The following ELMO1 variants were observed in gnomAD, a reference collection of about 807,000 sequenced individuals.
ELMO1 encodes the protein engulfment and cell motility 1.
In ELMO1, 26 loss-of-function variants were observed where a neutral mutation model predicts 98.9. The ratio of observed to expected loss-of-function variants is 0.26; its 90% CI spans 0.19 to 0.36. The LOEUF is 0.36. Ranked by LOEUF, ELMO1 falls within the 10% of genes least tolerant of loss-of-function variation. The pLI, the probability that ELMO1 is intolerant of heterozygous loss-of-function variation, is 1.00. For synonymous variants in ELMO1, 346 were observed against 346.0 expected (o/e 1.00, Z 0.00); for missense variants, 627 against 935.2 (o/e 0.67, Z 4.30).
intron 1 of ELMO1, among the ~76,000 whole-genome samples, chr7:37,388,398 A>G (rs1802907443): frequency 7.6e-6 from 1 of 131,638 alleles, no homozygotes; most frequent in African/African-American, 2.9e-5. Flanking sequence ...CATTTATTAC[A>G]CAATTTATGT....
chr7:37,301,333 G>GAA (rs3054217), intron 4 of ELMO1, among the ~76,000 whole-genome samples: 12 of 150,670 alleles, frequency 8.0e-5, no homozygotes, highest in Middle Eastern at 3.4e-3. Context: ...GAATATATCA[G>GAA]AAAAAAAAAA....
rs141481192 is a variant in ELMO1, at chr7:37,102,712, C to T, written c.1192-5985G>A. ...CAAAATACTAAGCCATCTCACTGTA[C>T]AGATGAAGAAACAGAGACAAAGAGA... On this transcript the variant is annotated intron_variant, in intron 14 of 21. Coordinates refer to ENST00000310758, the MANE Select transcript of ELMO1 (RefSeq NM_014800.11). Among the ~76,000 whole-genome samples, 9 of 152,302 alleles carry T rather than the reference C, an allele frequency of 5.9e-5. No individual in the cohort carries two copies. The East Asian group carries it at 1.7e-3, about 29-fold the overall frequency.
intron 13 of ELMO1, among the ~76,000 whole-genome samples, chr7:37,154,824 T>A (rs1383230997): frequency 6.6e-6 from 1 of 152,058 alleles, no homozygotes; most frequent in East Asian, 1.9e-4. Flanking sequence ...ACCACAAAGA[T>A]ACTCCTTGAG....
chr7:37,296,176 G>A (rs1798018062), intron 4 of ELMO1, among the ~76,000 whole-genome samples: 1 of 152,176 alleles, frequency 6.6e-6, no homozygotes, highest in Non-Finnish European at 1.5e-5. Context: ...TCAGTCAGCT[G>A]GGTCCTCATT....
intron 16 of ELMO1, among the ~76,000 whole-genome samples, chr7:36,899,324 C>T (rs1356093618): frequency 6.6e-6 from 1 of 152,068 alleles, no homozygotes; most frequent in Non-Finnish European, 1.5e-5. Flanking sequence ...CTTATTCCTG[C>T]TCTAGTTGAG....
intron 15 of ELMO1, among the ~76,000 whole-genome samples, chr7:37,066,780 A>T (rs1222240416): frequency 6.6e-6 from 1 of 152,236 alleles, no homozygotes; most frequent in Non-Finnish European, 1.5e-5. Flanking sequence ...CAATTAAAAA[A>T]TAAAAGAGCT....
chr7:37,211,019 G>C (rs1336644185), intron 13 of ELMO1: 1 of 186,536 alleles, frequency 5.4e-6, no homozygotes, highest in African/African-American at 2.4e-5. Flanking sequence ...ATGTATGTAA[G>C]TAATCAACTC....
chr7:37,248,579 A>G, intron 6 of ELMO1, among the ~76,000 whole-genome samples: 1 of 152,240 alleles, frequency 6.6e-6, no homozygotes, highest in East Asian at 1.9e-4. Flanking sequence ...CTCCCTGAGC[A>G]ATGCAGAGTG....
At chr7:36,862,136 CA>C in intron 20 of ELMO1, 1 of 214,162 alleles carries the variant, frequency 4.7e-6, no homozygotes, top group Non-Finnish European at 9.5e-6. Flanking sequence ...AACAAACAAA[CA>C]AAAACCCAGT....
At chr7:37,311,698 G>A (rs1054971053) in intron 4 of ELMO1, among the ~76,000 whole-genome samples, 2 of 152,192 alleles carry the variant, frequency 1.3e-5, no homozygotes, top group African/African-American at 4.8e-5. Context: ...ACCCACAGCT[G>A]TGCCCAGTGA....
chr7:37,123,960 C>T (rs181560614), intron 14 of ELMO1, among the ~76,000 whole-genome samples: 52 of 152,284 alleles, frequency 3.4e-4, no homozygotes, highest in African/African-American at 1.1e-3. Flanking sequence ...GGCTTCATCC[C>T]TGGGATGCAA....
At chr7:36,937,769 T>G (rs2129091240) in intron 16 of ELMO1, among the ~76,000 whole-genome samples, 1 of 152,314 alleles carries the variant, frequency 6.6e-6, no homozygotes, top group South Asian at 2.1e-4. Context: ...AAAATAATAA[T>G]GGTTTGCTCA....
rs1787049334 is a variant in ELMO1, at chr7:37,133,293, A to G, written c.1087-59T>C. The G allele has an allele frequency of 2.9e-6, 4 of 1,358,528 alleles. No individual in the cohort carries two copies. The African/African-American group carries it at 5.7e-5, about 20-fold the overall frequency. 84.2% of individuals were successfully genotyped at this position (1,358,528 alleles called of 1,614,324 possible). On this transcript the variant is annotated intron_variant, in intron 13 of 21. Transcript: ENST00000310758. Reference sequence around the variant, plus strand: ...TCTTCAGCAGATTTTACCAACCACCAGAGATCTGATTTCCCTCCTCAAGAG... The same window carrying G: ...TCTTCAGCAGATTTTACCAACCACCGGAGATCTGATTTCCCTCCTCAAGAG...
chr7:37,283,184 T>C (rs543511456), intron 4 of ELMO1, among the ~76,000 whole-genome samples: 3 of 152,300 alleles, frequency 2.0e-5, no homozygotes, highest in South Asian at 4.1e-4. Context: ...CCTGTCTGTC[T>C]CCTTCAGTGT....
At chr7:37,050,659 C>CACACACACAA (rs767009287) in intron 15 of ELMO1, among the ~76,000 whole-genome samples, 25 of 142,732 alleles carry the variant, frequency 1.8e-4, no homozygotes, top group Non-Finnish European at 2.9e-4. Flanking sequence ...CACACACACA[C>CACACACACAA]AAAAGGTAAC....
intron 14 of ELMO1, among the ~76,000 whole-genome samples, chr7:37,121,312 C>T (rs563795509): frequency 3.3e-5 from 5 of 151,950 alleles, no homozygotes; most frequent in East Asian, 1.9e-4. Flanking sequence ...AGGCTTCAGA[C>T]GATCAAACTT....
chr7:37,032,585 T>C (rs1457770862), intron 15 of ELMO1, among the ~76,000 whole-genome samples: 1 of 152,174 alleles, frequency 6.6e-6, no homozygotes, highest in Non-Finnish European at 1.5e-5. Context: ...TTGGTTATAA[T>C]ACCCAAAGCC....
At chr7:37,364,195 G>A (rs1352703807) in intron 1 of ELMO1, among the ~76,000 whole-genome samples, 1 of 152,174 alleles carries the variant, frequency 6.6e-6, no homozygotes, top group Non-Finnish European at 1.5e-5. Flanking sequence ...TCCTCAATCA[G>A]TGTTTACCTC....
At chr7:37,280,647 C>T (rs922115802) in intron 4 of ELMO1, among the ~76,000 whole-genome samples, 9 of 151,752 alleles carry the variant, frequency 5.9e-5, no homozygotes, top group Non-Finnish European at 1.0e-4. Context: ...AACCACAATG[C>T]GATATCACTT....
Sources: gnomAD v4.1 joint callset for allele counts (sites outside exome capture counted in the v4.1 genomes callset) on GRCh38, gnomAD v4.1.1 for gene constraint, MANE v1.5 for transcripts, NCBI Gene and HGNC (gene_info 2026-07-23, HGNC 2026-07-21) for gene names.